SSH2: variants seen among roughly 807,000 people sequenced by gnomAD.
The protein encoded by SSH2 is protein phosphatase Slingshot homolog 2.
Under a neutral mutation model 135.2 loss-of-function variants are expected in SSH2, and 37 were observed. The observed-to-expected ratio is 0.27, with a 90% CI of 0.21 to 0.36. The LOEUF is 0.36. Ranked by LOEUF, SSH2 falls within the 10% of genes least tolerant of loss-of-function variation. SSH2 has a pLI of 1.00. For missense variants in SSH2, 1,408 were observed against 1,765.3 expected (o/e 0.80, Z 3.63); for synonymous variants, 628 against 646.2 (o/e 0.97, Z 0.43).
chr17:29,659,015 TACTC>T (rs564304536), intron 11 of SSH2, among the ~76,000 whole-genome samples: 63 of 152,302 alleles, frequency 4.1e-4, no homozygotes, highest in Middle Eastern at 3.4e-3. Flanking sequence ...TGCTACTTCT[TACTC>T]ATATTACCAA....
intron 3 of SSH2, among the ~76,000 whole-genome samples, chr17:29,766,020 C>CAA (rs56037567): frequency 0.54 from 54,395 of 99,964 alleles, 14,095 homozygotes; most frequent in African/African-American, 0.64. Flanking sequence ...ACTCCGTCTC[C>CAA]AAAAAAAAAA....
chr17:29,877,083 AAAG>A (rs1274284050), intron 1 of SSH2, among the ~76,000 whole-genome samples: 3 of 152,208 alleles, frequency 2.0e-5, no homozygotes, highest in Admixed American at 2.0e-4. Context: ...ACATTTCTCA[AAAG>A]AAGACATACA....
intron 3 of SSH2, among the ~76,000 whole-genome samples, chr17:29,722,935 G>A (rs533252986): frequency 6.6e-6 from 1 of 152,340 alleles, no homozygotes; most frequent in South Asian, 2.1e-4. Context: ...CCACAGGGCT[G>A]AAGAACAAAT....
At chr17:29,840,362 C>T (rs185795439) in intron 2 of SSH2, among the ~76,000 whole-genome samples, 2 of 152,164 alleles carry the variant, frequency 1.3e-5, no homozygotes, top group Non-Finnish European at 2.9e-5. Context: ...TAGACCAATA[C>T]AAATCCAGCA....
intron 3 of SSH2, among the ~76,000 whole-genome samples, chr17:29,730,465 T>C (rs2040144610): frequency 6.6e-6 from 1 of 151,006 alleles, no homozygotes; most frequent in African/African-American, 2.4e-5. Flanking sequence ...AGACAAGGTC[T>C]TACTCTGTCA....
chr17:29,720,726 TA>T (rs879703515), intron 3 of SSH2, among the ~76,000 whole-genome samples: 52 of 144,280 alleles, frequency 3.6e-4, no homozygotes, highest in Middle Eastern at 3.5e-3. Context: ...TAACTTTTGT[TA>T]AAAAAAAAAA....
At chr17:29,925,701 C>T in intron 1 of SSH2, 1 of 379,678 alleles carries the variant, frequency 2.6e-6, no homozygotes, top group Non-Finnish European at 4.6e-6. Flanking sequence ...AGTGAGACCC[C>T]ATCTAAAAAA....
chr17:29,769,827 A>G (rs1292938739), intron 3 of SSH2, among the ~76,000 whole-genome samples: 4 of 152,178 alleles, frequency 2.6e-5, no homozygotes, highest in Non-Finnish European at 5.9e-5. Context: ...GAATACCTGT[A>G]TGCCAGGCAC....
At chr17:29,691,537 CTGGAGTGCAG>C (rs2038474599) in intron 5 of SSH2, among the ~76,000 whole-genome samples, 1 of 151,324 alleles carries the variant, frequency 6.6e-6, no homozygotes, top group East Asian at 2.0e-4. Context: ...GTTGCCCAGG[CTGGAGTGCAG>C]TGGCACGATC....
Position 29,793,882 on chromosome 17 carries a change from G to A in SSH2, c.188+12C>T, listed in dbSNP as rs2042114574. 1 of 1,609,668 alleles carries A rather than the reference G, an allele frequency of 6.2e-7. No homozygotes were observed. Among genetic ancestry groups the A allele is most frequent in the South Asian group, 1.1e-5 (1 of 90,832 alleles). ...CAACAAAAATGCCGTAGGATATAAT[G>A]AACAAACATACCTCCTGGGCTGTGA... On this transcript the variant is annotated intron_variant, in intron 3 of 15. Transcript: ENST00000540801.
At chr17:29,874,290 C>CA (rs1257142492) in intron 1 of SSH2, among the ~76,000 whole-genome samples, 2 of 5,590 alleles carry the variant, frequency 3.6e-4, no homozygotes, top group Non-Finnish European at 5.8e-4. Flanking sequence ...CACTCTGTCT[C>CA]AAAAAAATGG....
intron 4 of SSH2, among the ~76,000 whole-genome samples, chr17:29,696,672 CGTGTGTGT>C (rs60502729): frequency 2.9e-5 from 4 of 137,532 alleles, no homozygotes; most frequent in South Asian, 2.4e-4. Flanking sequence ...TATATACGTA[CGTGTGTGT>C]GTGTGTGTGT....
At chr17:29,802,609 C>G (rs2042269003) in intron 2 of SSH2, among the ~76,000 whole-genome samples, 1 of 112,918 alleles carries the variant, frequency 8.9e-6, no homozygotes, top group South Asian at 2.7e-4. Context: ...TAGCGAAACA[C>G]TGTTTCTACA....
At chr17:29,841,905 T>TTC (rs2151379499) in intron 2 of SSH2, among the ~76,000 whole-genome samples, 1 of 147,832 alleles carries the variant, frequency 6.8e-6, no homozygotes. Context: ...TTTTTTTTTT[T>TTC]TTTTTTTTTG....
At chr17:29,677,384 T>C (rs999805802) in intron 7 of SSH2, among the ~76,000 whole-genome samples, 52 of 152,244 alleles carry the variant, frequency 3.4e-4, no homozygotes, top group African/African-American at 1.2e-3. Flanking sequence ...TATCATCCTT[T>C]GGGAGAGCAT....
chr17:29,748,025 G>GA lies in SSH2; in HGVS notation c.189-44964dup, dbSNP rs961563667. 3.0e-4 allele frequency among the ~76,000 whole-genome samples: 46 copies of GA among 150,830 alleles called. 1 individual carries two copies. The highest frequency in any genetic ancestry group is 8.8e-4 in the African/African-American group (36 of 41,142). On this transcript the variant is annotated intron_variant, in intron 3 of 15. Transcript: ENST00000540801. ...CACAAAGGCAAATAGTAGTAGTTTA[G>GA]AAAAAAAAAGAAATCCATTCTAGAC...
At position 29,695,357 on chromosome 17, in the gene SSH2, A is replaced by G. The variant is rs950374405; in HGVS notation, c.357+102T>C. On this transcript the variant is annotated intron_variant, in intron 5 of 15. Transcript: ENST00000540801. ...CACATTATCTTCTCTCTTACTTCAC[A>G]TAGTTCCCAGCACTGTGTTGGGATG... is the stretch of plus-strand genomic sequence containing the variant. 1.8e-5 allele frequency: 14 copies of G among 795,172 alleles called. No homozygotes were observed. In the African/African-American group the frequency reaches 1.9e-4, roughly 11 times the overall value. The allele number at this position is 795,172 out of a possible 1,614,324, so 49.3% of individuals were successfully genotyped here. A position where few individuals can be genotyped will look rare whatever the true frequency, so the allele number is the denominator to read the frequency against.
intron 1 of SSH2, among the ~76,000 whole-genome samples, chr17:29,901,281 T>TA (rs572227472): frequency 3.4e-3 from 498 of 147,802 alleles, no homozygotes; most frequent in Middle Eastern, 0.01. Context: ...AGTATAATAA[T>TA]AAAAAAAAAA....
chr17:29,816,995 T>C, intron 2 of SSH2, among the ~76,000 whole-genome samples: 1 of 152,184 alleles, frequency 6.6e-6, no homozygotes, highest in East Asian at 1.9e-4. Context: ...CCAGCTCATG[T>C]ATAATAAGAA....
Sources: gnomAD v4.1 joint callset for allele counts (sites outside exome capture counted in the v4.1 genomes callset) on GRCh38, gnomAD v4.1.1 for gene constraint, MANE v1.5 for transcripts, NCBI Gene and HGNC (gene_info 2026-07-23, HGNC 2026-07-21) for gene names.